NXN: variants seen among roughly 807,000 people sequenced by gnomAD.
NXN encodes nucleoredoxin 1.
In NXN, 16 loss-of-function variants were observed where a neutral mutation model predicts 48.6. The observed-to-expected ratio is 0.33, with a 90% CI of 0.22 to 0.50. The LOEUF (loss-of-function observed/expected upper bound fraction) is 0.50, where lower values mean the gene tolerates loss of function less well. Ranked by LOEUF, NXN falls within the 20% of genes least tolerant of loss-of-function variation. The pLI is 0.98. For missense variants in NXN, 492 were observed against 605.5 expected, an observed-to-expected ratio of 0.81 and a Z score of 1.97; for synonymous variants, 281 against 269.6, an observed-to-expected ratio of 1.04 and a Z score of -0.41.
At chr17:877,160 T>G (rs982862435) in intron 1 of NXN, among the ~76,000 whole-genome samples, 1 of 151,838 alleles carries the variant, frequency 6.6e-6, no homozygotes, top group African/African-American at 2.4e-5. Flanking sequence ...GTGTTGTTTT[T>G]TTTTGGAGAC....
intron 5 of NXN, among the ~76,000 whole-genome samples, chr17:810,267 C>A (rs1475521634): frequency 3.1e-5 from 4 of 129,648 alleles, no homozygotes; most frequent in African/African-American, 1.1e-4. Context: ...GTGGCGTGCA[C>A]GTTACGAGTC....
chr17:801,359 A>G (rs1169260775), intron 7 of NXN, among the ~76,000 whole-genome samples: 2 of 151,992 alleles, frequency 1.3e-5, no homozygotes. Flanking sequence ...ACCACTAGGT[A>G]AGTCGTCTGT....
chr17:841,776 G>A (rs577558011), intron 1 of NXN, among the ~76,000 whole-genome samples: 28 of 151,902 alleles, frequency 1.8e-4, no homozygotes, highest in East Asian at 1.3e-3. Flanking sequence ...CTCTGGGTGC[G>A]GCAAAGGCAC....
In NXN at chr17:826,678, C is replaced by T. The variant is rs984687659; in HGVS notation, c.361-600G>A. ...GTTAACATCTGCCCCCTCAGCCCTT[C>T]ACCAGGTCCCTCAGCCCTTCACCAG... On this transcript the variant is annotated intron_variant, in intron 1 of 7. Transcript: ENST00000336868. Among the ~76,000 whole-genome samples, 3 of 151,698 alleles carry T rather than the reference C, an allele frequency of 2.0e-5. No individual in the cohort carries two copies. The South Asian group carries it at 6.2e-4, about 31-fold the overall frequency.
intron 1 of NXN, among the ~76,000 whole-genome samples, chr17:841,532 T>C (rs78561126): frequency 0.37 from 3,629 of 9,716 alleles, 370 homozygotes; most frequent in African/African-American, 0.47. Context: ...CCCCCGACCA[T>C]GGAGCATCTC....
intron 1 of NXN, among the ~76,000 whole-genome samples, chr17:906,715 C>T (rs985166550): frequency 6.6e-6 from 1 of 151,450 alleles, no homozygotes; most frequent in South Asian, 2.1e-4. Flanking sequence ...TACAGGCACC[C>T]ACCACCACAC....
intron 1 of NXN, among the ~76,000 whole-genome samples, chr17:831,634 C>T (rs1913480488): frequency 6.6e-6 from 1 of 151,642 alleles, no homozygotes; most frequent in Non-Finnish European, 1.5e-5. Context: ...TGAGTAGCTG[C>T]GATTACAGGC....
intron 1 of NXN, among the ~76,000 whole-genome samples, chr17:923,781 T>G (rs2068770900): frequency 6.6e-6 from 1 of 152,188 alleles, no homozygotes; most frequent in African/African-American, 2.4e-5. Flanking sequence ...CACAAGTGCG[T>G]TTGATACCAG....
chr17:924,723 CGTT>C (rs1431258726), intron 1 of NXN, among the ~76,000 whole-genome samples: 1 of 151,938 alleles, frequency 6.6e-6, no homozygotes, highest in African/African-American at 2.4e-5. Flanking sequence ...AACTCCGTTC[CGTT>C]CCGTTCCGTT....
At chr17:960,788 ATT>A (rs1159400723) in intron 1 of NXN, among the ~76,000 whole-genome samples, 1 of 138,150 alleles carries the variant, frequency 7.2e-6, no homozygotes. Context: ...AATTAACTCG[ATT>A]TTTTTTTTTT....
At chr17:900,480 G>C (rs2663355) in intron 1 of NXN, among the ~76,000 whole-genome samples, 1 of 151,646 alleles carries the variant, frequency 6.6e-6, no homozygotes, top group Non-Finnish European at 1.5e-5. Context: ...AGAGAGGCAC[G>C]AGGAAGGTAC....
chr17:953,276 A>G (rs994712649), intron 1 of NXN, among the ~76,000 whole-genome samples: 3 of 152,076 alleles, frequency 2.0e-5, no homozygotes, highest in East Asian at 1.9e-4. Context: ...TTAGCCAGGC[A>G]TGGTGGCTCA....
intron 1 of NXN, among the ~76,000 whole-genome samples, chr17:964,327 T>A (rs933852896): frequency 2.6e-5 from 4 of 152,122 alleles, no homozygotes; most frequent in Non-Finnish European, 4.4e-5. Context: ...GCAGAACAGA[T>A]CCAGAGGATC....
intron 1 of NXN, among the ~76,000 whole-genome samples, chr17:843,173 T>C (rs1914477154): frequency 6.6e-6 from 1 of 152,208 alleles, no homozygotes; most frequent in African/African-American, 2.4e-5. Flanking sequence ...GATGTTTACT[T>C]CTCACCCTTT....
chr17:807,624 C>T (rs542706410), intron 5 of NXN, among the ~76,000 whole-genome samples: 7 of 152,324 alleles, frequency 4.6e-5, no homozygotes, highest in Non-Finnish European at 8.8e-5. Flanking sequence ...CCCCGAGGAA[C>T]GGCTCCTCCT....
chr17:831,638 T>A (rs1913480953), intron 1 of NXN, among the ~76,000 whole-genome samples: 1 of 151,910 alleles, frequency 6.6e-6, no homozygotes, highest in Admixed American at 6.6e-5. Context: ...TAGCTGCGAT[T>A]ACAGGCATTC....
rs115543628 is a variant in NXN, at chr17:802,596, G to A, written c.1125+1086C>T. ...TCTTTTCTCAGAGCCATTCTGCAGG[G>A]GTTGGAGTCACTGCATGCCGCGCAG... is the stretch of plus-strand genomic sequence containing the variant. On this transcript the variant is annotated intron_variant, in intron 7 of 7. Transcript: ENST00000336868. Among the ~76,000 whole-genome samples, 345 of 152,322 alleles carry A rather than the reference G, an allele frequency of 2.3e-3. 5 individuals are homozygous for A. The highest frequency in any genetic ancestry group is 7.9e-3 in the African/African-American group (327 of 41,580).
intron 1 of NXN, among the ~76,000 whole-genome samples, chr17:937,489 G>A (rs9911513): frequency 0.33 from 49,389 of 151,966 alleles, 8,195 homozygotes; most frequent in South Asian, 0.4. Context: ...GAAAACAGGT[G>A]GGGAGGGACA....
At chr17:811,168 G>C (rs1196695396) in intron 5 of NXN, among the ~76,000 whole-genome samples, 1 of 152,180 alleles carries the variant, frequency 6.6e-6, no homozygotes, top group East Asian at 1.9e-4. Flanking sequence ...AAACAGAGAA[G>C]AGGATTCAAC....
Sources: gnomAD v4.1 joint callset for allele counts (sites outside exome capture counted in the v4.1 genomes callset) on GRCh38, gnomAD v4.1.1 for gene constraint, MANE v1.5 for transcripts, NCBI Gene and HGNC (gene_info 2026-07-23, HGNC 2026-07-21) for gene names.